The following EIF2AK1 variants were observed in gnomAD, a reference collection of about 807,000 sequenced individuals.
The protein encoded by EIF2AK1 is eukaryotic translation initiation factor 2-alpha kinase 1.
Under a neutral mutation model 77.9 loss-of-function variants are expected in EIF2AK1, and 54 were observed. The ratio of observed to expected loss-of-function variants is 0.69; its 90% CI spans 0.56 to 0.87. EIF2AK1 has a LOEUF of 0.87. Ranked by LOEUF, EIF2AK1 falls within the 40% of genes least tolerant of loss-of-function variation. The pLI, the probability that EIF2AK1 is intolerant of heterozygous loss-of-function variation, is 0.00. For synonymous variants in EIF2AK1, 314 were observed against 290.5 expected (o/e 1.08, Z -0.82); for missense variants, 810 against 768.6 (o/e 1.05, Z -0.64).
intron 11 of EIF2AK1, among the ~76,000 whole-genome samples, chr7:6,029,526 C>T (rs969130202): frequency 4.0e-5 from 6 of 151,784 alleles, no homozygotes; most frequent in African/African-American, 1.2e-4. Flanking sequence ...TCAACCATTC[C>T]CCAGGCCAGC....
intron 8 of EIF2AK1, among the ~76,000 whole-genome samples, chr7:6,042,728 T>A (rs1455803376): frequency 1.3e-5 from 2 of 152,020 alleles, no homozygotes; most frequent in Non-Finnish European, 2.9e-5. Context: ...TAGCTGGGTG[T>A]GGTGGCGGGC....
intron 14 of EIF2AK1, among the ~76,000 whole-genome samples, chr7:6,025,651 A>G (rs903989339): frequency 6.6e-6 from 1 of 152,124 alleles, no homozygotes; most frequent in Non-Finnish European, 1.5e-5. Flanking sequence ...CACTATTTAT[A>G]TTGAGACGGA....
At chr7:6,058,865 G>A in intron 1 of EIF2AK1, 101 bp downstream of exon 1, 1 of 1,104,014 alleles carries the variant, frequency 9.1e-7, no homozygotes. Flanking sequence ...GGCAGCCAAA[G>A]TCGCCCAGGT....
chr7:6,051,275 T>C (rs1012835768), intron 2 of EIF2AK1, among the ~76,000 whole-genome samples: 1 of 142,212 alleles, frequency 7.0e-6, no homozygotes, highest in Non-Finnish European at 1.5e-5. Context: ...TTTTCTTTCT[T>C]TTTTTTTTTT....
In EIF2AK1 at chr7:6,043,678, C is replaced by T. The variant is rs200181470; in HGVS notation, c.731-685G>A. ...TCCTGACCTTGTGATCCTCCTGCCT[C>T]GGCCTCCCAAAGTGTTGGGATTACA... is the stretch of plus-strand genomic sequence containing the variant. On this transcript the variant is annotated intron_variant, in intron 7 of 14. Coordinates refer to ENST00000199389, the MANE Select transcript of EIF2AK1 (RefSeq NM_014413.4). Among the ~76,000 whole-genome samples, 39 of 151,768 alleles carry T rather than the reference C, an allele frequency of 2.6e-4. No individual in the cohort carries two copies. In the East Asian group the frequency reaches 6.6e-3, roughly 26 times the overall value.
At chr7:6,054,985 G>A (rs1275944422) in intron 1 of EIF2AK1, among the ~76,000 whole-genome samples, 1 of 152,152 alleles carries the variant, frequency 6.6e-6, no homozygotes, top group African/African-American at 2.4e-5. Flanking sequence ...ACGCAAGGAA[G>A]TGGGACTAGG....
chr7:6,047,858 G>T (rs1788490902), intron 4 of EIF2AK1: 1 of 152,404 alleles, frequency 6.6e-6, no homozygotes, highest in East Asian at 1.9e-4. Context: ...TAGGCAACCT[G>T]GTGGTCCCTT....
chr7:6,030,132 C>T (rs946683666), intron 11 of EIF2AK1, among the ~76,000 whole-genome samples: 17 of 152,182 alleles, frequency 1.1e-4, no homozygotes, highest in Non-Finnish European at 1.5e-5. Flanking sequence ...ATGGCTCATC[C>T]ACCTGGAAGA....
intron 2 of EIF2AK1, among the ~76,000 whole-genome samples, chr7:6,052,965 G>GA (rs917224909): frequency 1.0e-4 from 15 of 143,820 alleles, no homozygotes; most frequent in South Asian, 4.3e-4. Context: ...TCCATCTCGA[G>GA]AAAAAAAAAA....
At chr7:6,026,060 A>ACCCC (rs770580229) in intron 14 of EIF2AK1, among the ~76,000 whole-genome samples, 5 of 151,492 alleles carry the variant, frequency 3.3e-5, no homozygotes, top group African/African-American at 1.2e-4. Flanking sequence ...ACGCCAGGCC[A>ACCCC]CCCCTGCCTC....
At chr7:6,050,092 A>G in intron 2 of EIF2AK1, 47 bp from the exon 3 acceptor site, 1 of 1,525,444 alleles carries the variant, frequency 6.6e-7, no homozygotes, top group Non-Finnish European at 8.9e-7. Context: ...TCTTTAATAA[A>G]ATGGCAATTT....
chr7:6,052,369 T>TTC (rs1271405258), intron 2 of EIF2AK1, among the ~76,000 whole-genome samples: 2 of 151,844 alleles, frequency 1.3e-5, no homozygotes, highest in East Asian at 3.9e-4. Context: ...ATACACTTCC[T>TTC]TCTGTTCACC....
rs371322289 is a variant in EIF2AK1 at position 6,023,460 on chromosome 7, A to G, written c.*1213T>C. 5.0e-6 allele frequency: 8 copies of G among 1,614,048 alleles called. No homozygotes were observed. The African/African-American group carries it at 1.1e-4, about 22-fold the overall frequency. On this transcript the variant is annotated 3_prime_UTR_variant, in exon 15 of 15. Transcript: ENST00000199389. The stretch of plus-strand genomic sequence containing the variant: ...GGGTAGATATTGCGATTTTTCAGTT[A>G]AAAGAGGGAAGCAGTAAAGAAAAAG...
chr7:6,050,743 T>C (rs373991869), intron 2 of EIF2AK1, among the ~76,000 whole-genome samples: 1 of 150,360 alleles, frequency 6.7e-6, no homozygotes, highest in African/African-American at 2.4e-5. Context: ...GCTGCGACTA[T>C]AGGCGCCTGC....
At position 6,055,363 on chromosome 7, in the gene EIF2AK1, A is replaced by AAAAAG. The variant is rs1788721128; in HGVS notation, c.119-660_119-659insCTTTT. ...GTCTCAAAAAAAAAAAAAAAAAAAAAGAAGTTGGGCAGATGACAGAGGGAA... is the reference window on the plus strand; with the variant it reads ...GTCTCAAAAAAAAAAAAAAAAAAAAAAAAAGGAAGTTGGGCAGATGACAGAGGGAA... On this transcript the variant is annotated intron_variant, in intron 1 of 14. Coordinates refer to ENST00000199389, the MANE Select transcript of EIF2AK1 (RefSeq NM_014413.4). 2.7e-5 allele frequency among the ~76,000 whole-genome samples: 4 copies of AAAAAG among 150,232 alleles called. No homozygotes were observed. The East Asian group carries it at 5.9e-4, about 22-fold the overall frequency.
At chr7:6,038,459 A>T in intron 10 of EIF2AK1, 101 bp downstream of exon 10, 1 of 753,616 alleles carries the variant, frequency 1.3e-6, no homozygotes, top group Non-Finnish European at 2.1e-6. Flanking sequence ...AATAAATAAA[A>T]AATAAAAATG....
rs892420801 is a variant in EIF2AK1, at chr7:6,036,439, T to C, written c.1332+985A>G. The C allele has an allele frequency of 3.0e-6, 4 of 1,329,472 alleles. No individual in the cohort carries two copies. The African/African-American group carries it at 5.9e-5, about 20-fold the overall frequency. The allele number at this position is 1,329,472 out of a possible 1,614,324, so 82.4% of individuals were successfully genotyped here. On this transcript the variant is annotated intron_variant, in intron 11 of 14. Coordinates refer to ENST00000199389, the MANE Select transcript of EIF2AK1 (RefSeq NM_014413.4). The surrounding 1 kb of genome is among the most constrained non-coding windows in gnomAD (Gnocchi z 4.6). Reference sequence around the variant, plus strand: ...GGGACTTTCAGCCACTCAAACTGCATTTTCTGGCTAGACATGTCCCAGAAA... The same window carrying C: ...GGGACTTTCAGCCACTCAAACTGCACTTTCTGGCTAGACATGTCCCAGAAA...
Position 6,026,860 on chromosome 7 carries a change from C to A in EIF2AK1, c.1632G>T (p.Gln544His), listed in dbSNP as rs761859687. The A allele has an allele frequency of 1.2e-6, 2 of 1,614,180 alleles. No homozygotes were observed. The highest frequency in any genetic ancestry group is 8.5e-7 in the Non-Finnish European group (1 of 1,180,042). ...AEVLTGLRTG[Q>H]LPESLRKRCP... ...ACCTTTTACGGAGGGATTCCGGCAA[C>A]TGACCAGTTCTTAAACCTGTTAGAA... The change falls in exon 14 of 15, where the codon CAG (glutamine) becomes CAT (histidine). Residue 544 changes from glutamine (Q) to histidine (H), a missense_variant. By Grantham distance (24) the Gln-to-His change is conservative (BLOSUM62 0). This residue lies in a region of EIF2AK1 where 549 missense variants were observed against 533.7 expected (regional missense o/e 1.03). Coordinates refer to ENST00000199389, the MANE Select transcript of EIF2AK1 (RefSeq NM_014413.4).
rs1225603129 is a variant in EIF2AK1 at position 6,026,542 on chromosome 7, G to A, written c.1764+186C>T. Reference sequence around the variant, plus strand: ...ACAGCTGCTACCCCAAGGGGAGTGAGTCCTGCCAGCACACCCTGCAGCTGA... The same window carrying A: ...ACAGCTGCTACCCCAAGGGGAGTGAATCCTGCCAGCACACCCTGCAGCTGA... On this transcript the variant is annotated intron_variant, in intron 14 of 14. Transcript: ENST00000199389. The A allele has an allele frequency of 1.7e-5, 12 of 708,232 alleles. No individual in the cohort carries two copies. The Admixed American group carries it at 2.0e-4, about 12-fold the overall frequency. The allele number at this position is 708,232 out of a possible 1,614,324, so 43.9% of individuals were successfully genotyped here.
Sources: gnomAD v4.1 joint callset for allele counts (sites outside exome capture counted in the v4.1 genomes callset) on GRCh38, gnomAD v4.1.1 for gene constraint, gnomAD v4.1.1 regional missense constraint, Gnocchi (gnomAD v3.1) non-coding constraint, MANE v1.5 for transcripts, NCBI Gene and HGNC (gene_info 2026-07-23, HGNC 2026-07-21) for gene names.